NANS: variants seen among roughly 807,000 people sequenced by gnomAD.
NANS encodes the protein N-acetylneuraminate-9-phosphate synthase.
A neutral mutation model predicts 33.3 loss-of-function variants in NANS; 29 were observed. The ratio of observed to expected loss-of-function variants is 0.87; its 90% CI spans 0.65 to 1.19. The LOEUF (loss-of-function observed/expected upper bound fraction) is 1.19, where lower values mean the gene tolerates loss of function less well. Ranked by LOEUF, NANS falls within the 50% of genes most tolerant of loss-of-function variation. The pLI is 0.00. For synonymous variants in NANS, 163 were observed against 177.2 expected (o/e 0.92, Z 0.64); for missense variants, 394 against 461.1 (o/e 0.85, Z 1.33).
chr9:98,058,023 A>G (rs1367793229), intron 1 of NANS, among the ~76,000 whole-genome samples: 1 of 143,648 alleles, frequency 7.0e-6, no homozygotes, highest in Non-Finnish European at 1.5e-5. Context: ...CCCAGGCTTA[A>G]GTGATTCTCC....
At chr9:98,060,760 G>T (rs1428417972) in intron 1 of NANS, 22 bp from the exon 2 acceptor site, 1 of 1,609,584 alleles carries the variant, frequency 6.2e-7, no homozygotes, top group South Asian at 1.1e-5. Context: ...GTCACTGAAA[G>T]ATGTCCTAAT....
chr9:98,072,611 A>C (rs2131639193), intron 2 of NANS, among the ~76,000 whole-genome samples: 1 of 152,100 alleles, frequency 6.6e-6, no homozygotes, highest in Non-Finnish European at 1.5e-5. Context: ...GAGTTTCACC[A>C]TGTTGGCCAG....
intron 1 of NANS, among the ~76,000 whole-genome samples, chr9:98,059,109 C>T (rs536288571): frequency 5.9e-5 from 9 of 151,544 alleles, no homozygotes; most frequent in Non-Finnish European, 1.0e-4. Flanking sequence ...CTGCAAGCTC[C>T]GCCTCCTGGG....
chr9:98,082,861 G>C lies in NANS; in HGVS notation c.886G>C (p.Val296Leu), dbSNP rs147561143. Residue 296 changes from valine (V) to leucine (L), a missense_variant, in exon 6 of 6, where the codon GTG becomes CTG. Physicochemically the swap from Val to Leu is conservative, Grantham distance 32. Transcript: ENST00000210444. ...TTGTCCACAGCTGGGCAAGTCTGTGGTGGCCAAAGTGAAAATTCCGGAAGG... is the reference window on the plus strand; with the variant it reads ...TTGTCCACAGCTGGGCAAGTCTGTGCTGGCCAAAGTGAAAATTCCGGAAGG... ...ACNEKLGKSV[V>L]AKVKIPEGTI... 1.1e-4 allele frequency: 184 copies of C among 1,614,144 alleles called. No individual in the cohort carries two copies. The highest frequency in any genetic ancestry group is 9.9e-4 in the Middle Eastern group (6 of 6,062).
At chr9:98,066,549 C>T (rs921506793) in intron 2 of NANS, among the ~76,000 whole-genome samples, 5 of 152,114 alleles carry the variant, frequency 3.3e-5, no homozygotes, top group Non-Finnish European at 7.3e-5. Flanking sequence ...ACCATTAATA[C>T]AATTACCGTT....
intron 2 of NANS, chr9:98,069,827 C>T (rs534367723): frequency 2.0e-5 from 3 of 152,132 alleles, no homozygotes; most frequent in South Asian, 2.1e-4. Context: ...GTATGGTGAC[C>T]GTGGCAGTGC....
At chr9:98,079,246 C>T (rs1179177802) in intron 4 of NANS, among the ~76,000 whole-genome samples, 4 of 152,238 alleles carry the variant, frequency 2.6e-5, no homozygotes, top group African/African-American at 9.6e-5. Context: ...CGCCATCTCT[C>T]TCAGTTCTTC....
chr9:98,070,672 G>C (rs1399974867), intron 2 of NANS, among the ~76,000 whole-genome samples: 1 of 151,368 alleles, frequency 6.6e-6, no homozygotes, highest in East Asian at 1.9e-4. Flanking sequence ...CGCCCACCTT[G>C]TCCTCCCAAA....
At chr9:98,078,899 A>C (rs987989682) in intron 4 of NANS, among the ~76,000 whole-genome samples, 1 of 151,304 alleles carries the variant, frequency 6.6e-6, no homozygotes, top group African/African-American at 2.4e-5. Flanking sequence ...CCTTTTGGCT[A>C]TTGTGAATGA....
chr9:98,078,697 T>C (rs1263778834), intron 4 of NANS, among the ~76,000 whole-genome samples: 1 of 151,712 alleles, frequency 6.6e-6, no homozygotes, highest in Non-Finnish European at 1.5e-5. Context: ...TAGTCAGGCA[T>C]GGTGATGCGT....
At position 98,075,669 on chromosome 9, in the gene NANS, A is replaced by AT. The variant is rs547010286; in HGVS notation, c.349-1243dup. The AT allele has an allele frequency of 1.1e-4, 17 of 152,198 alleles. No individual in the cohort carries two copies. In the East Asian group the frequency reaches 2.7e-3, roughly 24 times the overall value. 9.4% of individuals were successfully genotyped at this position (152,198 alleles called of 1,614,324 possible). On this transcript the variant is annotated intron_variant, in intron 2 of 5. Transcript: ENST00000210444. The stretch of plus-strand genomic sequence containing the variant: ...TCTGAGTCACCATTCAGAGACATTG[A>AT]TTTTTTCGACTTTTGATTTCCAACT...
At chr9:98,073,535 G>A (rs1312381925) in intron 2 of NANS, among the ~76,000 whole-genome samples, 1 of 150,954 alleles carries the variant, frequency 6.6e-6, no homozygotes, top group Admixed American at 6.6e-5. Flanking sequence ...TGCCCGCCAC[G>A]GCCTCCCAAA....
At chr9:98,061,473 T>C (rs1587904378) in intron 2 of NANS, among the ~76,000 whole-genome samples, 1 of 100,640 alleles carries the variant, frequency 9.9e-6, no homozygotes. Flanking sequence ...CAAGAGTCCA[T>C]CTCAAATTAA....
At chr9:98,065,308 C>CTTTTTTT (rs758040892) in intron 2 of NANS, among the ~76,000 whole-genome samples, 2 of 92,764 alleles carry the variant, frequency 2.2e-5, no homozygotes, top group East Asian at 3.0e-4. Context: ...ACTCCTGGTG[C>CTTTTTTT]TTTTTTTTTT....
chr9:98,067,727 T>TC (rs1468236888), intron 2 of NANS, among the ~76,000 whole-genome samples: 2 of 150,568 alleles, frequency 1.3e-5, no homozygotes, highest in African/African-American at 4.9e-5. Flanking sequence ...TTCACTTTCT[T>TC]TTTTTTTTGT....
rs772988781 is a variant in NANS, at chr9:98,078,207, A to G, written c.463A>G (p.Ile155Val). The G allele has an allele frequency of 5.0e-6, 8 of 1,614,152 alleles. No individual in the cohort carries two copies. In the South Asian group the frequency reaches 6.6e-5, roughly 13 times the overall value. Reference protein sequence around the residue: ...KTAKKGRPMVISSGMQSMDTM... With the variant: ...KTAKKGRPMVVSSGMQSMDTM... ...GGATTACTCAGGTCGCCCAATGGTG[A>G]TCTCCAGTGGGATGCAGTCAATGGA... The change falls in exon 4 of 6, where the codon ATC (isoleucine) becomes GTC (valine). Residue 155 changes from isoleucine to valine, a missense_variant. Physicochemically the swap from Ile to Val is conservative, Grantham distance 29. Coordinates refer to ENST00000210444, the MANE Select transcript of NANS (RefSeq NM_018946.4).
At chr9:98,075,522 C>A (rs962526911) in intron 2 of NANS, 1 of 149,824 alleles carries the variant, frequency 6.7e-6, no homozygotes, top group Non-Finnish European at 1.5e-5. Flanking sequence ...TTGGTTGGTC[C>A]GTCGGTCCGT....
chr9:98,082,321 A>G (rs750518298), intron 5 of NANS, among the ~76,000 whole-genome samples: 1 of 152,126 alleles, frequency 6.6e-6, no homozygotes, highest in Admixed American at 6.5e-5. Context: ...GGAGTTAAGA[A>G]TCTCATCCCT....
intron 1 of NANS, among the ~76,000 whole-genome samples, chr9:98,057,793 A>C (rs566554747): frequency 2.6e-5 from 4 of 151,846 alleles, no homozygotes; most frequent in African/African-American, 9.7e-5. Context: ...ATGCTACTCA[A>C]CTGATTTTGT....
Sources: allele counts gnomAD v4.1 joint callset (sites outside exome capture counted in the v4.1 genomes callset), GRCh38; gene constraint gnomAD v4.1.1; transcripts MANE v1.5; gene names NCBI Gene and HGNC (gene_info 2026-07-23, HGNC 2026-07-21).